The following MITF variants were observed in gnomAD, a reference collection of about 807,000 sequenced individuals.
MITF encodes the protein microphthalmia-associated transcription factor.
MITF carries 17 observed loss-of-function variants against 60.5 expected under a neutral mutation model. That is an observed-to-expected ratio of 0.28 (90% confidence interval 0.19 to 0.42). The LOEUF is 0.42. MITF is among the 10% of genes least tolerant of loss of function. MITF has a pLI of 1.00. For missense variants in MITF, 622 were observed against 683.5 expected (o/e 0.91, Z 1.00); for synonymous variants, 260 against 248.5 (o/e 1.05, Z -0.43).
At chr3:69,850,392 T>A (rs1454029157) in intron 1 of MITF, among the ~76,000 whole-genome samples, 1 of 152,166 alleles carries the variant, frequency 6.6e-6, no homozygotes, top group Admixed American at 6.5e-5. Context: ...GATACTAAAA[T>A]AATATTAAAG....
At chr3:69,885,615 A>G (rs2064595501) in intron 2 of MITF, among the ~76,000 whole-genome samples, 1 of 152,124 alleles carries the variant, frequency 6.6e-6, no homozygotes, top group South Asian at 2.1e-4. Flanking sequence ...TAAACCTCCA[A>G]AGTCCCAGTA....
At chr3:69,800,456 A>G (rs1368366631) in intron 1 of MITF, among the ~76,000 whole-genome samples, 1 of 152,146 alleles carries the variant, frequency 6.6e-6, no homozygotes, top group East Asian at 1.9e-4. Flanking sequence ...TTTACCTAAG[A>G]GCGGAATGGC....
At chr3:69,907,148 A>G (rs932382126) in intron 2 of MITF, among the ~76,000 whole-genome samples, 4 of 152,146 alleles carry the variant, frequency 2.6e-5, no homozygotes, top group East Asian at 1.9e-4. Context: ...CCTAATCGCT[A>G]TGCTACAGTA....
chr3:69,907,617 A>C (rs1309543719), intron 2 of MITF, among the ~76,000 whole-genome samples: 1 of 152,130 alleles, frequency 6.6e-6, no homozygotes, highest in Admixed American at 6.6e-5. Context: ...ATTTGAAATC[A>C]CCCTTGATTT....
rs1043345 is a variant in MITF at position 69,968,248 on chromosome 3, A to C, written c.*3000A>C. 4.3e-6 allele frequency: 1 copy of C among 232,142 alleles called. No individual in the cohort carries two copies. The highest frequency in any genetic ancestry group is 8.5e-6 in the Non-Finnish European group (1 of 117,206). The allele number at this position is 232,142 out of a possible 1,614,324, so 14.4% of individuals were successfully genotyped here. On this transcript the variant is annotated 3_prime_UTR_variant, in exon 10 of 10. Coordinates refer to ENST00000352241, the MANE Select transcript of MITF (RefSeq NM_001354604.2). ...CAATAATTTCTGTATGGTCCATAGC[A>C]CTGTATATTATGGATCGATATTAAT...
chr3:69,746,883 G>A (rs912893272), intron 1 of MITF, among the ~76,000 whole-genome samples: 1 of 152,206 alleles, frequency 6.6e-6, no homozygotes, highest in Admixed American at 6.5e-5. Context: ...ATGATCTTGG[G>A]AGGAGGACCA....
intron 1 of MITF, among the ~76,000 whole-genome samples, chr3:69,847,684 A>G (rs1247418898): frequency 3.3e-5 from 5 of 152,216 alleles, no homozygotes; most frequent in Non-Finnish European, 7.3e-5. Flanking sequence ...CTGGTGAAAA[A>G]TCATTTCTTT....
chr3:69,790,629 T>C (rs1266204231), intron 1 of MITF, among the ~76,000 whole-genome samples: 1 of 152,170 alleles, frequency 6.6e-6, no homozygotes, highest in African/African-American at 2.4e-5. Flanking sequence ...CCATGGACAA[T>C]CAGTTTTTGA....
At chr3:69,849,878 T>C (rs1428370383) in intron 1 of MITF, among the ~76,000 whole-genome samples, 2 of 152,226 alleles carry the variant, frequency 1.3e-5, no homozygotes, top group African/African-American at 4.8e-5. Flanking sequence ...ACTTCTTTAC[T>C]CTGGGGTCTC....
intron 1 of MITF, among the ~76,000 whole-genome samples, chr3:69,761,357 A>G (rs2062209624): frequency 6.6e-6 from 1 of 152,190 alleles, no homozygotes; most frequent in African/African-American, 2.4e-5. Flanking sequence ...TTATAAATGA[A>G]GAAACTTGTG....
chr3:69,931,734 G>C (rs1365047796), intron 2 of MITF, among the ~76,000 whole-genome samples: 1 of 152,064 alleles, frequency 6.6e-6, no homozygotes, highest in Non-Finnish European at 1.5e-5. Context: ...GCACACCTGG[G>C]ATATGCACCT....
chr3:69,964,980 A>G lies in MITF; in HGVS notation c.1313A>G (p.His438Arg), dbSNP rs1342117854. Reference sequence around the variant, plus strand: ...AACTGCAGCCAAGACCTCCTTCAGCATCATGCAGACCTAACCTGTACAACA... The same window carrying G: ...AACTGCAGCCAAGACCTCCTTCAGCGTCATGCAGACCTAACCTGTACAACA... ...LENCSQDLLQ[H>R]HADLTCTTTL... The change falls in exon 10 of 10, where the codon CAT becomes CGT. Residue 438 changes from histidine (H) to arginine (R), a missense_variant. This residue lies in a region of MITF where 224 missense variants were observed against 209.5 expected (regional missense o/e 1.07). Coordinates refer to ENST00000352241, the MANE Select transcript of MITF (RefSeq NM_001354604.2). The G allele has an allele frequency of 3.1e-6, 5 of 1,614,144 alleles. No individual in the cohort carries two copies. The highest frequency in any genetic ancestry group is 4.2e-6 in the Non-Finnish European group (5 of 1,180,012).
At chr3:69,836,499 T>C (rs1329279537) in intron 1 of MITF, among the ~76,000 whole-genome samples, 1 of 152,226 alleles carries the variant, frequency 6.6e-6, no homozygotes, top group East Asian at 1.9e-4. Context: ...GTAGGGTGTG[T>C]AGCATATTGT....
At chr3:69,925,394 G>A (rs977443363) in intron 2 of MITF, among the ~76,000 whole-genome samples, 2 of 152,150 alleles carry the variant, frequency 1.3e-5, no homozygotes, top group African/African-American at 4.8e-5. Context: ...CATACGTGGA[G>A]TATTTTATAG....
chr3:69,756,907 T>C (rs1039020574), intron 1 of MITF, among the ~76,000 whole-genome samples: 2 of 152,236 alleles, frequency 1.3e-5, no homozygotes, highest in Admixed American at 1.3e-4. Context: ...TTTTTAAATA[T>C]GTTTGTTGGC....
intron 1 of MITF, among the ~76,000 whole-genome samples, chr3:69,842,234 A>T (rs1411544626): frequency 1.3e-5 from 2 of 152,196 alleles, no homozygotes; most frequent in African/African-American, 4.8e-5. Flanking sequence ...CTCCAAAATC[A>T]TGCAGTAGAC....
At chr3:69,759,043 A>G (rs1386662066) in intron 1 of MITF, among the ~76,000 whole-genome samples, 1 of 152,220 alleles carries the variant, frequency 6.6e-6, no homozygotes, top group Non-Finnish European at 1.5e-5. Context: ...AATACAGTCA[A>G]TTCTCATTAT....
intron 2 of MITF, among the ~76,000 whole-genome samples, chr3:69,918,698 G>A (rs939224668): frequency 2.6e-5 from 4 of 152,178 alleles, no homozygotes; most frequent in African/African-American, 7.2e-5. Context: ...ACTAGTGGTA[G>A]CACTTACATT....
At chr3:69,952,505 G>C (rs919252512) in intron 7 of MITF, among the ~76,000 whole-genome samples, 2 of 152,020 alleles carry the variant, frequency 1.3e-5, no homozygotes, top group African/African-American at 4.8e-5. Context: ...AAAGGGATTG[G>C]GCTTGGAGGT....
Sources: allele counts gnomAD v4.1 joint callset (sites outside exome capture counted in the v4.1 genomes callset), GRCh38; gene constraint gnomAD v4.1.1; regional missense constraint gnomAD v4.1.1; transcripts MANE v1.5; gene names NCBI Gene and HGNC (gene_info 2026-07-23, HGNC 2026-07-21).